CWF19L1: variants seen among roughly 807,000 people sequenced by gnomAD.
CWF19L1 encodes the protein CWF19 like cell cycle control factor 1.
A neutral mutation model predicts 69.7 loss-of-function variants in CWF19L1; 60 were observed. The observed-to-expected ratio is 0.86, with a 90% CI of 0.70 to 1.07. CWF19L1 has a LOEUF of 1.07. CWF19L1 is among the 50% of genes least tolerant of loss of function. The probability of loss-of-function intolerance (pLI) is 0.00; values close to 1 mark genes in which losing one functional copy is unlikely to be tolerated. For missense variants in CWF19L1, 591 were observed against 638.9 expected (o/e 0.92, Z 0.81); for synonymous variants, 209 against 222.2 (o/e 0.94, Z 0.53).
chr10:100,261,218 T>C (rs760951665), intron 2 of CWF19L1, among the ~76,000 whole-genome samples, 174 bp from the exon 3 acceptor site: 11 of 152,268 alleles, frequency 7.2e-5, no homozygotes, highest in Non-Finnish European at 1.6e-4. Flanking sequence ...TTACTGATTC[T>C]ATGAATTATT....
intron 6 of CWF19L1, among the ~76,000 whole-genome samples, chr10:100,251,475 A>C (rs1847027543): frequency 6.8e-6 from 1 of 147,710 alleles, no homozygotes; most frequent in Admixed American, 6.7e-5. Flanking sequence ...ATGGCTAATG[A>C]TAAGAGCATC....
At chr10:100,238,448 C>G (rs1324726690) in intron 10 of CWF19L1, among the ~76,000 whole-genome samples, 4 of 152,134 alleles carry the variant, frequency 2.6e-5, no homozygotes, top group Non-Finnish European at 5.9e-5. Flanking sequence ...AATTTCTATG[C>G]AAGTAGCAAA....
intron 1 of CWF19L1, among the ~76,000 whole-genome samples, chr10:100,266,189 ATTTTT>A (rs67759652): frequency 1.5e-5 from 2 of 134,124 alleles, no homozygotes; most frequent in Admixed American, 7.5e-5. Context: ...CACTATTGCA[ATTTTT>A]TTTTTTTTTT....
In CWF19L1 at chr10:100,267,614, G is replaced by T. The variant is rs1313896451; in HGVS notation, c.-21C>A. The T allele has an allele frequency of 1.2e-6, 2 of 1,614,054 alleles. No individual in the cohort carries two copies. Among genetic ancestry groups the T allele is most frequent in the South Asian group, 1.1e-5 (1 of 91,094 alleles). On this transcript the variant is annotated 5_prime_UTR_variant, in exon 1 of 14. Transcript: ENST00000354105. ...GCCATCTGTCCGAATAGTATGGGTT[G>T]CGACTGCCACCTAAAATTGGGAATG...
chr10:100,259,668 G>A (rs974937285), intron 4 of CWF19L1, among the ~76,000 whole-genome samples: 54 of 152,076 alleles, frequency 3.6e-4, no homozygotes, highest in Admixed American at 3.0e-3. Flanking sequence ...GGAACGCAAC[G>A]ATATTGGGGC....
At chr10:100,247,048 AAAG>A (rs1176390640) in intron 7 of CWF19L1, 113 bp from the exon 8 acceptor site, 3 of 982,706 alleles carry the variant, frequency 3.1e-6, no homozygotes, top group Non-Finnish European at 4.3e-6. Context: ...AGTAAAATTA[AAAG>A]AACAGCAACC....
chr10:100,249,501 A>C, intron 7 of CWF19L1, among the ~76,000 whole-genome samples: 1 of 152,168 alleles, frequency 6.6e-6, no homozygotes, highest in East Asian at 1.9e-4. Flanking sequence ...CTGTTTTCCA[A>C]TACAAAGATA....
rs755230520 is a variant in CWF19L1 at position 100,238,180 on chromosome 10, G to A, written c.1096C>T (p.Leu366=). ...ACTGACTGGTAGTGTCCAATAGGCA[G>A]GATGAGGACATGGTCATCAGATAAG... ...GGLSDDHVLI[L]PIGHYQSVVE... Residue 366 remains leucine (L), a synonymous_variant, in exon 11 of 14, where the codon CTG becomes TTG. Transcript: ENST00000354105. The A allele has an allele frequency of 1.9e-6, 3 of 1,614,198 alleles. No individual in the cohort carries two copies. The African/African-American group carries it at 4.0e-5, about 22-fold the overall frequency.
rs776115782 is a variant in CWF19L1 at position 100,238,209 on chromosome 10, C to G, written c.1067G>C (p.Gly356Ala). The G allele has an allele frequency of 5.0e-6, 8 of 1,614,050 alleles. No homozygotes were observed. In the African/African-American group the frequency reaches 1.1e-4, roughly 22 times the overall value. The change falls in exon 11 of 14, where the codon GGA becomes GCA. Residue 356 changes from glycine (G) to alanine (A), a missense_variant. This residue lies in a region of CWF19L1 where 458 missense variants were observed against 489.3 expected (regional missense o/e 0.94). Transcript: ENST00000354105. ...GAGGACATGGTCATCAGATAAGCCTCCTTTGGCCAGGGCAAGGTAGCACTG... is the reference window on the plus strand; with the variant it reads ...GAGGACATGGTCATCAGATAAGCCTGCTTTGGCCAGGGCAAGGTAGCACTG... Reference protein sequence around the residue: ...GTHCYLALAKGGLSDDHVLIL... With the variant: ...GTHCYLALAKAGLSDDHVLIL...
chr10:100,237,298 C>A, intron 11 of CWF19L1: 1 of 531,964 alleles, frequency 1.9e-6, no homozygotes, highest in Non-Finnish European at 3.7e-6. Context: ...AAAACCACCA[C>A]AACTACAAAT....
chr10:100,236,030 T>C (rs1486653148), intron 12 of CWF19L1, among the ~76,000 whole-genome samples: 1 of 152,152 alleles, frequency 6.6e-6, no homozygotes, highest in East Asian at 1.9e-4. Flanking sequence ...GCACTAAACT[T>C]TGGAGTAATG....
intron 10 of CWF19L1, among the ~76,000 whole-genome samples, chr10:100,239,214 A>G (rs1846558451): frequency 6.6e-6 from 1 of 152,226 alleles, no homozygotes; most frequent in Non-Finnish European, 1.5e-5. Context: ...AATGGCAACT[A>G]AAAATATTTC....
Position 100,238,195 on chromosome 10 carries a change from C to T in CWF19L1, c.1081G>A (p.Asp361Asn). The change falls in exon 11 of 14, where the codon GAC (aspartate) becomes AAC (asparagine). Residue 361 changes from aspartate (D) to asparagine (N), a missense_variant. By Grantham distance (23) the Asp-to-Asn change is conservative. Around this residue, in one of 3 missense-constraint regions of CWF19L1, gnomAD observed 458 missense variants for 489.3 expected, o/e 0.94. Transcript: ENST00000354105. The stretch of plus-strand genomic sequence containing the variant: ...CCAATAGGCAGGATGAGGACATGGT[C>T]ATCAGATAAGCCTCCTTTGGCCAGG... ...LALAKGGLSD[D>N]HVLILPIGHY... is the part of the protein sequence containing the mutation. The T allele has an allele frequency of 6.2e-7, 1 of 1,614,130 alleles. No homozygotes were observed. Among genetic ancestry groups the T allele is most frequent in the Non-Finnish European group, 8.5e-7 (1 of 1,180,026 alleles).
chr10:100,248,789 A>G, intron 7 of CWF19L1: 1 of 1,421,984 alleles, frequency 7.0e-7, no homozygotes, highest in Non-Finnish European at 9.9e-7. Flanking sequence ...TTCGGGAAGG[A>G]GTTCACAGAA....
intron 6 of CWF19L1, among the ~76,000 whole-genome samples, chr10:100,250,854 A>G (rs1847003169): frequency 1.3e-5 from 2 of 151,812 alleles, no homozygotes; most frequent in Non-Finnish European, 2.9e-5. Flanking sequence ...AGGCTAAGGT[A>G]GGAGAATCAC....
At chr10:100,251,973 T>C (rs1419043663) in intron 6 of CWF19L1, among the ~76,000 whole-genome samples, 2 of 152,208 alleles carry the variant, frequency 1.3e-5, no homozygotes, top group Non-Finnish European at 2.9e-5. Flanking sequence ...CAGAAAAACC[T>C]GTATTACCTA....
chr10:100,243,498 G>A (rs1388242022), intron 10 of CWF19L1, among the ~76,000 whole-genome samples, 200 bp downstream of exon 10: 1 of 151,996 alleles, frequency 6.6e-6, no homozygotes, highest in Non-Finnish European at 1.5e-5. Flanking sequence ...ACTGTAAATG[G>A]GCATAAGAGA....
At chr10:100,266,294 T>C (rs1213918860) in intron 1 of CWF19L1, among the ~76,000 whole-genome samples, 2 of 150,902 alleles carry the variant, frequency 1.3e-5, no homozygotes, top group South Asian at 2.1e-4. Context: ...CAGGCTCAGG[T>C]GGTCCACCTG....
In CWF19L1 at chr10:100,256,274, A is replaced by T. The variant is rs780246849; in HGVS notation, c.492T>A (p.Phe164Leu). ...AAACACTACTCACAGAAGAATTCCC[A>T]AAGTTCCCCACACACTTGGGCCATG... is the stretch of plus-strand genomic sequence containing the variant. ...TSPWPKCVGN[F>L]GNSSGEVDTK... is the part of the protein sequence containing the mutation. The change falls in exon 5 of 14, where the codon TTT becomes TTA. Residue 164 changes from phenylalanine to leucine, a missense_variant. Physicochemically the swap from Phe to Leu is conservative, Grantham distance 22. Coordinates refer to ENST00000354105, the MANE Select transcript of CWF19L1 (RefSeq NM_018294.6). 6.2e-7 allele frequency: 1 copy of T among 1,613,942 alleles called. No homozygotes were observed. Among genetic ancestry groups the T allele is most frequent in the Non-Finnish European group, 8.5e-7 (1 of 1,179,792 alleles).
Sources: allele counts gnomAD v4.1 joint callset (sites outside exome capture counted in the v4.1 genomes callset), GRCh38; gene constraint gnomAD v4.1.1; regional missense constraint gnomAD v4.1.1; transcripts MANE v1.5; gene names NCBI Gene and HGNC (gene_info 2026-07-23, HGNC 2026-07-21).